MYH10: variants seen among roughly 807,000 people sequenced by gnomAD.
MYH10 encodes the protein myosin-10.
Under a neutral mutation model 257.8 loss-of-function variants are expected in MYH10, and 55 were observed. The ratio of observed to expected loss-of-function variants is 0.21; its 90% confidence interval spans 0.17 to 0.27. The LOEUF is 0.27. Among genes scored for constraint, MYH10 ranks in the 10% least tolerant of loss-of-function variants. The probability of loss-of-function intolerance (pLI) is 1.00; values close to 1 mark genes in which losing one functional copy is unlikely to be tolerated. For synonymous variants in MYH10, 854 were observed against 921.7 expected (o/e 0.93, Z 1.33); for missense variants, 1,631 against 2,500.6 (o/e 0.65, Z 7.42).
intron 14 of MYH10, among the ~76,000 whole-genome samples, chr17:8,539,420 G>C (rs942826948): frequency 6.6e-6 from 1 of 152,038 alleles, no homozygotes; most frequent in Non-Finnish European, 1.5e-5. Context: ...CGAATTCACA[G>C]AGCATCAGTT....
At chr17:8,595,238 T>TA (rs935247382) in intron 3 of MYH10, among the ~76,000 whole-genome samples, 1 of 152,136 alleles carries the variant, frequency 6.6e-6, no homozygotes, top group Admixed American at 6.6e-5. Context: ...TTGGCTACAG[T>TA]AAAGGATAAT....
In MYH10 at chr17:8,518,025, C is replaced by CGTGTGT. The variant is rs34409328; in HGVS notation, c.2504+600_2504+605dup. ...AGCAGGACCCCATACCCCTTGGCCC[C>CGTGTGT]GTGTGTGTGTGTGTGTGTGTGTGTG... On this transcript the variant is annotated intron_variant, in intron 21 of 42. Coordinates refer to ENST00000360416, the MANE Select transcript of MYH10 (RefSeq NM_001256012.3). Among the ~76,000 whole-genome samples the CGTGTGT allele has an allele frequency of 2.6e-3, 322 of 123,718 alleles. 19 individuals are homozygous for CGTGTGT. Among genetic ancestry groups the CGTGTGT allele is most frequent in the African/African-American group, 9.7e-3 (309 of 31,932 alleles). 81.2% of individuals were successfully genotyped at this position (123,718 alleles called of 152,430 possible). A position where few individuals can be genotyped will look rare whatever the true frequency, so the allele number is the denominator to read the frequency against.
At position 8,513,686 on chromosome 17, in the gene MYH10, C is replaced by G. The variant is rs372963114; in HGVS notation, c.2614-17G>C. On this transcript the variant is annotated splice_polypyrimidine_tract_variant and intron_variant, in intron 22 of 42. Transcript: ENST00000360416. ...CGGCTTCACCTATGACAAAATTAAG[C>G]AGTTTTTTTTTTTTTATCATTCCAG... 47 of 1,575,502 alleles carry G rather than the reference C, an allele frequency of 3.0e-5. No homozygotes were observed. The highest frequency in any genetic ancestry group is 3.6e-5 in the Non-Finnish European group (42 of 1,168,186).
At chr17:8,497,449 T>G (rs1244716188) in intron 30 of MYH10, among the ~76,000 whole-genome samples, 3 of 151,164 alleles carry the variant, frequency 2.0e-5, no homozygotes, top group Admixed American at 6.6e-5. Flanking sequence ...TTAAAAATAT[T>G]CAGAAAAGGG....
At chr17:8,566,363 T>C (rs753504198) in intron 7 of MYH10, among the ~76,000 whole-genome samples, 17 of 152,114 alleles carry the variant, frequency 1.1e-4, no homozygotes, top group Non-Finnish European at 1.8e-4. Flanking sequence ...TAGAAGACAA[T>C]AGAAGAAGGC....
At chr17:8,539,649 G>A (rs2082240237) in intron 14 of MYH10, among the ~76,000 whole-genome samples, 2 of 152,038 alleles carry the variant, frequency 1.3e-5, no homozygotes, top group Admixed American at 1.3e-4. Context: ...GAAGGCAGTG[G>A]TGTGACCGTA....
rs375081037 is a variant in MYH10, at chr17:8,506,297, C to A, written c.3386+21G>T. On this transcript the variant is annotated intron_variant, in intron 27 of 42. Transcript: ENST00000360416. The surrounding 1 kb of genome is among the most constrained non-coding windows in gnomAD (Gnocchi z 5.0). ...CTCAGCCCCATGGGCTCCCGTGCAG[C>A]GCAGCTGCTGGGCTGCAGACCTGGC... 1 of 1,564,968 alleles carries A rather than the reference C, an allele frequency of 6.4e-7. No individual in the cohort carries two copies. Among genetic ancestry groups the A allele is most frequent in the Non-Finnish European group, 8.6e-7 (1 of 1,164,082 alleles).
At chr17:8,499,692 A>G (rs571312550) in intron 29 of MYH10, among the ~76,000 whole-genome samples, 3 of 152,314 alleles carry the variant, frequency 2.0e-5, no homozygotes, top group Non-Finnish European at 2.9e-5. Context: ...GCAGATGCAG[A>G]TATTTAGGGG....
chr17:8,613,877 CCACA>C (rs2085140366), intron 2 of MYH10, among the ~76,000 whole-genome samples: 1 of 151,810 alleles, frequency 6.6e-6, no homozygotes, highest in African/African-American at 2.4e-5. Context: ...AAGCAATTAA[CCACA>C]CAAACACTAA....
chr17:8,475,649 A>C lies in MYH10; in HGVS notation c.*155T>G. 2.5e-6 allele frequency: 2 copies of C among 810,858 alleles called. No homozygotes were observed. Among genetic ancestry groups the C allele is most frequent in the Non-Finnish European group, 3.9e-6 (2 of 509,510 alleles). The allele number at this position is 810,858 out of a possible 1,614,324, so 50.2% of individuals were successfully genotyped here. A position where few individuals can be genotyped will look rare whatever the true frequency, so the allele number is the denominator to read the frequency against. ...AGGGGAGCAATTGTACCTAAGTCTG[A>C]AGCAGGATACAGTATGCATAGGCTG... is the stretch of plus-strand genomic sequence containing the variant. On this transcript the variant is annotated 3_prime_UTR_variant, in exon 43 of 43. Coordinates refer to ENST00000360416, the MANE Select transcript of MYH10 (RefSeq NM_001256012.3).
In MYH10 at chr17:8,490,781, C is replaced by T. The variant is rs1031147287; in HGVS notation, c.4672-229G>A. ...TACAGTGCGGATGTCTTTATTCCCA[C>T]GTGTTCTCTGGTCATCCTCCTCTGA... is the stretch of plus-strand genomic sequence containing the variant. On this transcript the variant is annotated intron_variant, in intron 34 of 42. Transcript: ENST00000360416. The surrounding 1 kb of genome is among the most constrained non-coding windows in gnomAD (Gnocchi z 4.1). 1.3e-5 allele frequency among the ~76,000 whole-genome samples: 2 copies of T among 152,174 alleles called. No individual in the cohort carries two copies. Among genetic ancestry groups the T allele is most frequent in the Non-Finnish European group, 2.9e-5 (2 of 68,038 alleles).
chr17:8,565,908 T>C (rs1255712491), intron 7 of MYH10, among the ~76,000 whole-genome samples: 1 of 152,244 alleles, frequency 6.6e-6, no homozygotes, highest in Non-Finnish European at 1.5e-5. Context: ...ATGTATTACT[T>C]TGCAAATAAA....
At chr17:8,484,060 T>C (rs1914332831) in intron 37 of MYH10, 78 bp downstream of exon 37, 3 of 1,373,600 alleles carry the variant, frequency 2.2e-6, no homozygotes, top group South Asian at 1.4e-5. Flanking sequence ...GCTACAAATA[T>C]ATTAACTTTT....
In MYH10 at chr17:8,597,430, T is replaced by C. The variant is rs112633679; in HGVS notation, c.502+7396A>G. 6.2e-3 allele frequency among the ~76,000 whole-genome samples: 941 copies of C among 151,738 alleles called. 5 individuals carry two copies. The highest frequency in any genetic ancestry group is 0.011 in the Non-Finnish European group (722 of 67,928). ...TTATATACTTATTTATATATGTACATATGTAAGAAGAAATTCCTAAAGAGG... is the reference window on the plus strand; with the variant it reads ...TTATATACTTATTTATATATGTACACATGTAAGAAGAAATTCCTAAAGAGG... On this transcript the variant is annotated intron_variant, in intron 3 of 42. Coordinates refer to ENST00000360416, the MANE Select transcript of MYH10 (RefSeq NM_001256012.3).
chr17:8,614,307 C>CTA (rs2085162231), intron 2 of MYH10, among the ~76,000 whole-genome samples: 2 of 77,122 alleles, frequency 2.6e-5, no homozygotes, highest in African/African-American at 1.1e-4. Flanking sequence ...CAATTCACTT[C>CTA]TTTTTTTTTT....
At chr17:8,592,119 T>G (rs1471898569) in intron 3 of MYH10, among the ~76,000 whole-genome samples, 2 of 152,244 alleles carry the variant, frequency 1.3e-5, no homozygotes, top group Non-Finnish European at 2.9e-5. Context: ...ACTCATTTGA[T>G]AGCTCAGTAT....
chr17:8,628,506 C>G (rs538699178), intron 1 of MYH10, among the ~76,000 whole-genome samples: 2 of 152,282 alleles, frequency 1.3e-5, no homozygotes, highest in East Asian at 3.9e-4. Context: ...TTATCCATGA[C>G]AGAGCATCCA....
In MYH10 at chr17:8,519,086, G is replaced by T. The variant is rs2081568212; in HGVS notation, c.2274-136C>A. 4 of 598,666 alleles carry T rather than the reference G, an allele frequency of 6.7e-6. No homozygotes were observed. In the Admixed American group the frequency reaches 1.4e-4, roughly 21 times the overall value. 37.1% of individuals were successfully genotyped at this position (598,666 alleles called of 1,614,324 possible). A position where few individuals can be genotyped will look rare whatever the true frequency, so the allele number is the denominator to read the frequency against. ...AAGATATGATGTAATACATGTTCAA[G>T]AAATGAACTGGTGATAATCTGATGT... On this transcript the variant is annotated intron_variant, in intron 19 of 42. Transcript: ENST00000360416.
At chr17:8,609,596 A>T (rs1207157636) in intron 2 of MYH10, among the ~76,000 whole-genome samples, 1 of 152,192 alleles carries the variant, frequency 6.6e-6, no homozygotes, top group Non-Finnish European at 1.5e-5. Flanking sequence ...GAAATGCATA[A>T]GAAAAAAAAT....
Sources: gnomAD v4.1 joint callset for allele counts (sites outside exome capture counted in the v4.1 genomes callset) on GRCh38, gnomAD v4.1.1 for gene constraint, Gnocchi (gnomAD v3.1) non-coding constraint, MANE v1.5 for transcripts, NCBI Gene and HGNC (gene_info 2026-07-23, HGNC 2026-07-21) for gene names.